Variants in HADHA observed in about 807,000 individuals in gnomAD.
The protein encoded by HADHA is hydroxyacyl-CoA dehydrogenase trifunctional multienzyme complex subunit alpha.
HADHA carries 59 observed loss-of-function variants against 91.3 expected under a neutral mutation model. That is an observed-to-expected ratio of 0.65 (90% CI 0.52 to 0.80). The LOEUF (loss-of-function observed/expected upper bound fraction) is 0.80, where lower values mean the gene tolerates loss of function less well. Ranked by LOEUF, HADHA falls within the 30% of genes least tolerant of loss-of-function variation. HADHA has a pLI of 0.00. For missense variants in HADHA, 800 were observed against 927.6 expected, an observed-to-expected ratio of 0.86 and a Z score of 1.79; for synonymous variants, 320 against 338.9, an observed-to-expected ratio of 0.94 and a Z score of 0.61.
At chr2:26,242,339 T>A (rs545973602) in intron 1 of HADHA, among the ~76,000 whole-genome samples, 1 of 152,190 alleles carries the variant, frequency 6.6e-6, no homozygotes, top group Non-Finnish European at 1.5e-5. Flanking sequence ...CTTTCCAGAC[T>A]TTTTTTCAAA....
In HADHA at chr2:26,236,951, G is replaced by T; in HGVS notation, c.218C>A (p.Ser73Ter). 6.2e-7 allele frequency: 1 copy of T among 1,605,556 alleles called. No individual in the cohort carries two copies. Among genetic ancestry groups the T allele is most frequent in the Non-Finnish European group, 8.5e-7 (1 of 1,172,126 alleles). Residue 73 changes from serine (S) to a stop codon, truncating the protein, a stop_gained, in exon 4 of 20, where the codon TCA becomes TAA. Coordinates refer to ENST00000380649, the MANE Select transcript of HADHA (RefSeq NM_000182.5). LOFTEE classifies it high-confidence loss of function. ...TLSKELHSEFSEVMNEIWASD... is the reference protein window; with the variant it reads ...TLSKELHSEF ...AGCCCAGATTTCATTCATAACTTCT[G>T]AGAACTCTGAATGTAGCTCTTTACT...
chr2:26,211,203 T>G (rs1322561216), intron 10 of HADHA, among the ~76,000 whole-genome samples: 2 of 152,228 alleles, frequency 1.3e-5, no homozygotes, highest in Non-Finnish European at 2.9e-5. Context: ...AGTTACTGAT[T>G]CGTGAAACTT....
chr2:26,203,071 C>T (rs913451852), intron 12 of HADHA, among the ~76,000 whole-genome samples: 8 of 152,208 alleles, frequency 5.3e-5, no homozygotes, highest in Admixed American at 1.3e-4. Flanking sequence ...GTTTGGGATG[C>T]TTGCATGCTA....
At chr2:26,196,995 GAATA>G (rs1388405485) in intron 14 of HADHA, among the ~76,000 whole-genome samples, 1 of 152,332 alleles carries the variant, frequency 6.6e-6, no homozygotes, top group East Asian at 1.9e-4. Context: ...AGAAGAGTAG[GAATA>G]AATAGGCTTT....
intron 12 of HADHA, among the ~76,000 whole-genome samples, chr2:26,203,328 C>T (rs1024659417): frequency 7.2e-5 from 11 of 152,302 alleles, no homozygotes; most frequent in Middle Eastern, 3.4e-3. Context: ...TAAGTGCAGC[C>T]AGCTTGTCCA....
chr2:26,238,182 T>C (rs1670807845), intron 3 of HADHA, among the ~76,000 whole-genome samples: 1 of 152,152 alleles, frequency 6.6e-6, no homozygotes, highest in African/African-American at 2.4e-5. Flanking sequence ...TATTTTTTAT[T>C]TTTTATAGAG....
chr2:26,203,316 T>C (rs922446129), intron 12 of HADHA, among the ~76,000 whole-genome samples: 2 of 152,192 alleles, frequency 1.3e-5, no homozygotes, highest in Admixed American at 1.3e-4. Flanking sequence ...TGCAGGATGC[T>C]TTAAGTGCAG....
chr2:26,211,608 A>G (rs552622290), intron 10 of HADHA, among the ~76,000 whole-genome samples: 5 of 152,356 alleles, frequency 3.3e-5, no homozygotes, highest in African/African-American at 1.2e-4. Context: ...ATATATATGC[A>G]AATATTCCAC....
chr2:26,241,937 A>G (rs1351514356), intron 1 of HADHA, among the ~76,000 whole-genome samples: 1 of 150,654 alleles, frequency 6.6e-6, no homozygotes, highest in African/African-American at 2.4e-5. Context: ...TTTTTTTGAG[A>G]TATGGTCTCA....
intron 7 of HADHA, among the ~76,000 whole-genome samples, chr2:26,223,283 T>A (rs1378853591): frequency 6.6e-6 from 1 of 152,234 alleles, no homozygotes; most frequent in Non-Finnish European, 1.5e-5. Context: ...AGGTTGCTAC[T>A]ATACAACAGA....
chr2:26,214,483 T>C lies in HADHA; in HGVS notation c.878A>G (p.Gln293Arg), dbSNP rs1208673559. The change falls in exon 9 of 20, where the codon CAG becomes CGG. Residue 293 changes from glutamine (Q) to arginine (R), a missense_variant. Coordinates refer to ENST00000380649, the MANE Select transcript of HADHA (RefSeq NM_000182.5). This position sits in a 1 kb window ranked among gnomAD's most constrained non-coding sequence, Gnocchi z 4.1. Reference sequence around the variant, plus strand: ...AGGTGCAGGATAAAGGCCTTTAGTCTGCTTTCGCACTTTTTCTTCCACTTT... The same window carrying C: ...AGGTGCAGGATAAAGGCCTTTAGTCCGCTTTCGCACTTTTTCTTCCACTTT... ...YKKVEEKVRK[Q>R]TKGLYPAPLK... The C allele has an allele frequency of 6.2e-7, 1 of 1,602,556 alleles. No individual in the cohort carries two copies. The highest frequency in any genetic ancestry group is 1.7e-5 in the Admixed American group (1 of 60,010).
Position 26,194,504 on chromosome 2 carries a change from A to G in HADHA, c.1689+66T>C, listed in dbSNP as rs1192703773. 4 of 978,656 alleles carry G rather than the reference A, an allele frequency of 4.1e-6. No individual in the cohort carries two copies. In the African/African-American group the frequency reaches 6.3e-5, roughly 16 times the overall value. 60.6% of individuals were successfully genotyped at this position (978,656 alleles called of 1,614,324 possible). A position where few individuals can be genotyped will look rare whatever the true frequency, so the allele number is the denominator to read the frequency against. On this transcript the variant is annotated intron_variant, in intron 16 of 19. Transcript: ENST00000380649. ...AAGGAAGCTTGGTCCTTATCTTGACATCATGAGTTTTAGAGTGACTGAAGG... is the reference window on the plus strand; with the variant it reads ...AAGGAAGCTTGGTCCTTATCTTGACGTCATGAGTTTTAGAGTGACTGAAGG...
intron 14 of HADHA, 78 bp downstream of exon 14, chr2:26,197,613 T>C (rs1163871383): frequency 5.0e-6 from 4 of 795,546 alleles, no homozygotes; most frequent in Non-Finnish European, 9.1e-6. Context: ...CTGTCTCTTC[T>C]GTACTCAAGC....
intron 9 of HADHA, among the ~76,000 whole-genome samples, chr2:26,213,811 T>G (rs1320495193): frequency 6.6e-6 from 1 of 152,222 alleles, no homozygotes; most frequent in Non-Finnish European, 1.5e-5. Context: ...TTTCATATTT[T>G]ATGTGCTTTG....
Position 26,195,046 on chromosome 2 carries a change from T to C in HADHA, c.1620+46A>G, listed in dbSNP as rs982894149. 1.0e-5 allele frequency: 15 copies of C among 1,495,488 alleles called. No homozygotes were observed. The East Asian group carries it at 1.1e-4, about 11-fold the overall frequency. 92.6% of individuals were successfully genotyped at this position (1,495,488 alleles called of 1,614,324 possible). On this transcript the variant is annotated intron_variant, in intron 15 of 19. Coordinates refer to ENST00000380649, the MANE Select transcript of HADHA (RefSeq NM_000182.5). ...AAGCCTGGAGGTAAAAGGAGTCTTATTAGAACTTTTCAAAAACTCTGCAGC... is the reference window on the plus strand; with the variant it reads ...AAGCCTGGAGGTAAAAGGAGTCTTACTAGAACTTTTCAAAAACTCTGCAGC...
At position 26,195,083 on chromosome 2, in the gene HADHA, G is replaced by A. The variant is rs772786562; in HGVS notation, c.1620+9C>T. 4 of 1,608,982 alleles carry A rather than the reference G, an allele frequency of 2.5e-6. No individual in the cohort carries two copies. Among genetic ancestry groups the A allele is most frequent in the Non-Finnish European group, 3.4e-6 (4 of 1,175,426 alleles). On this transcript the variant is annotated intron_variant, in intron 15 of 19. Transcript: ENST00000380649. ...AAAAACTCTGCAGCTCTGTTATACA[G>A]CCCCTTACCTTAACCACAATGATGA... is the stretch of plus-strand genomic sequence containing the variant.
chr2:26,228,206 C>T (rs776419724), intron 7 of HADHA, among the ~76,000 whole-genome samples: 2 of 151,966 alleles, frequency 1.3e-5, no homozygotes, highest in Admixed American at 6.6e-5. Flanking sequence ...TCTTGGCTCA[C>T]GGCAACCTCC....
In HADHA at chr2:26,195,188, C is replaced by T. The variant is rs748881184; in HGVS notation, c.1524G>A (p.Leu508=). 7 of 1,611,984 alleles carry T rather than the reference C, an allele frequency of 4.3e-6. No homozygotes were observed. The South Asian group carries it at 7.7e-5, about 18-fold the overall frequency. Residue 508 remains leucine (L), a synonymous_variant, in exon 15 of 20, where the codon CTG becomes CTA. Transcript: ENST00000380649. ...TTTTCTCGGTCGTGATAATCTCCAG[C>T]AGCTGCATCTTGTCCACGGGAGAGA... The part of the protein sequence containing the change: ...HYFSPVDKMQ[L]LEIITTEKTS...
In HADHA at chr2:26,239,039, T is replaced by C. The variant is rs1670828004; in HGVS notation, c.110-35A>G. The C allele has an allele frequency of 1.9e-6, 3 of 1,572,560 alleles. No homozygotes were observed. In the African/African-American group the frequency reaches 4.0e-5, roughly 21 times the overall value. On this transcript the variant is annotated intron_variant, in intron 2 of 19. Transcript: ENST00000380649. The stretch of plus-strand genomic sequence containing the variant: ...AAAGAAAGATTTATTTGTAAACATA[T>C]TTATTGCAACATAAATCCAAAAAGC...
Sources: allele counts gnomAD v4.1 joint callset (sites outside exome capture counted in the v4.1 genomes callset), GRCh38; gene constraint gnomAD v4.1.1; non-coding constraint Gnocchi (gnomAD v3.1); transcripts MANE v1.5; gene names NCBI Gene and HGNC (gene_info 2026-07-23, HGNC 2026-07-21).